The following CTNNA2 variants were observed in gnomAD, a reference collection of about 807,000 sequenced individuals.
CTNNA2 encodes catenin alpha 2, also known as catenin alpha-2.
A neutral mutation model predicts 101.0 loss-of-function variants in CTNNA2; 42 were observed. The observed-to-expected ratio is 0.42, with a 90% CI of 0.32 to 0.54. The LOEUF is 0.54. CTNNA2 is among the 20% of genes least tolerant of loss of function. The pLI is 0.14. For synonymous variants in CTNNA2, 450 were observed against 456.4 expected (o/e 0.99, Z 0.18); for missense variants, 871 against 1,223.1 (o/e 0.71, Z 4.29).
intron 2 of CTNNA2, among the ~76,000 whole-genome samples, chr2:79,685,918 G>A (rs1683900466): frequency 6.6e-6 from 1 of 152,094 alleles, no homozygotes; most frequent in South Asian, 2.1e-4. Context: ...ACAATGAAAA[G>A]GTATGTGCAG....
intron 7 of CTNNA2, among the ~76,000 whole-genome samples, chr2:79,999,931 A>G (rs1692823196): frequency 6.6e-6 from 1 of 152,196 alleles, no homozygotes; most frequent in Non-Finnish European, 1.5e-5. Flanking sequence ...AGCAGAATGT[A>G]TAGACGAGAA....
At chr2:79,951,037 A>T (rs997116379) in intron 7 of CTNNA2, among the ~76,000 whole-genome samples, 3 of 152,206 alleles carry the variant, frequency 2.0e-5, no homozygotes, top group Non-Finnish European at 2.9e-5. Flanking sequence ...CCTTAAAATC[A>T]TTATCCTCTG....
At chr2:79,852,748 C>T (rs1379751229) in intron 3 of CTNNA2, among the ~76,000 whole-genome samples, 3 of 152,166 alleles carry the variant, frequency 2.0e-5, no homozygotes, top group South Asian at 2.1e-4. Context: ...CACACCACCA[C>T]GCCTAGCTAA....
intron 2 of CTNNA2, among the ~76,000 whole-genome samples, chr2:79,260,637 C>A (rs1307997529): frequency 6.6e-6 from 1 of 152,128 alleles, no homozygotes; most frequent in African/African-American, 2.4e-5. Flanking sequence ...AGACACCCAG[C>A]AAGTTTGTCT....
chr2:79,387,040 C>A (rs554539555), intron 4 of CTNNA2, among the ~76,000 whole-genome samples: 1 of 152,178 alleles, frequency 6.6e-6, no homozygotes, highest in Non-Finnish European at 1.5e-5. Flanking sequence ...CACAGCCACC[C>A]TTATAAGTTG....
intron 3 of CTNNA2, among the ~76,000 whole-genome samples, chr2:79,769,566 T>TTAA (rs1416490258): frequency 6.6e-6 from 1 of 152,222 alleles, no homozygotes; most frequent in Non-Finnish European, 1.5e-5. Context: ...TTAGTAAAGA[T>TTAA]TAATCCCTAG....
intron 4 of CTNNA2, among the ~76,000 whole-genome samples, chr2:79,869,103 C>T (rs1007974527): frequency 2.0e-5 from 3 of 152,092 alleles, no homozygotes; most frequent in Non-Finnish European, 4.4e-5. Flanking sequence ...TGATGAAATT[C>T]ACAATTCAGG....
At chr2:80,101,784 G>A (rs550492020) in intron 7 of CTNNA2, among the ~76,000 whole-genome samples, 38 of 152,250 alleles carry the variant, frequency 2.5e-4, no homozygotes, top group African/African-American at 8.7e-4. Flanking sequence ...AGATACACCA[G>A]ACAATGGAAT....
chr2:79,896,623 C>A (rs1684731683), intron 6 of CTNNA2, among the ~76,000 whole-genome samples: 1 of 152,204 alleles, frequency 6.6e-6, no homozygotes, highest in South Asian at 2.1e-4. Flanking sequence ...AGGAAAGCAT[C>A]CTAACTGGTG....
intron 1 of CTNNA2, among the ~76,000 whole-genome samples, chr2:79,647,849 T>C (rs1680932226): frequency 1.3e-5 from 2 of 152,236 alleles, no homozygotes; most frequent in Admixed American, 1.3e-4. Flanking sequence ...TAGCTGTGCT[T>C]GGCTCCAGCT....
intron 4 of CTNNA2, among the ~76,000 whole-genome samples, chr2:79,408,151 T>G (rs1301884146): frequency 6.6e-6 from 1 of 151,960 alleles, no homozygotes; most frequent in Admixed American, 6.6e-5. Flanking sequence ...CCCATCTTCT[T>G]CCATTAAGAT....
intron 7 of CTNNA2, among the ~76,000 whole-genome samples, chr2:80,247,048 T>G (rs1671382007): frequency 6.6e-6 from 1 of 152,198 alleles, no homozygotes; most frequent in African/African-American, 2.4e-5. Flanking sequence ...GTGAGTTTTA[T>G]ACTGTGCCCA....
intron 3 of CTNNA2, among the ~76,000 whole-genome samples, chr2:79,856,796 G>T (rs1312072765): frequency 6.6e-6 from 1 of 152,102 alleles, no homozygotes; most frequent in Non-Finnish European, 1.5e-5. Context: ...TCGGTTGGTT[G>T]TGTCACACAG....
intron 7 of CTNNA2, among the ~76,000 whole-genome samples, chr2:80,315,774 C>T (rs1011948761): frequency 6.6e-6 from 1 of 152,166 alleles, no homozygotes; most frequent in Non-Finnish European, 1.5e-5. Context: ...AGTTTAAGTA[C>T]AGCAGCAGTG....
chr2:80,305,628 G>A (rs774812183), intron 7 of CTNNA2, among the ~76,000 whole-genome samples: 8 of 152,100 alleles, frequency 5.3e-5, no homozygotes, highest in Non-Finnish European at 8.8e-5. Flanking sequence ...TGAGTATGAC[G>A]AGAAGCCTTT....
intron 1 of CTNNA2, among the ~76,000 whole-genome samples, chr2:79,626,946 T>C (rs1040973870): frequency 2.9e-4 from 44 of 152,126 alleles, no homozygotes; most frequent in African/African-American, 9.7e-4. Context: ...TATTTAATAA[T>C]TTTTGCTGAG....
chr2:79,260,275 CCCT>C (rs1674903429), intron 2 of CTNNA2, among the ~76,000 whole-genome samples: 2 of 152,262 alleles, frequency 1.3e-5, no homozygotes, highest in South Asian at 4.1e-4. Flanking sequence ...CTCAATAGCT[CCCT>C]CCTTGCACAG....
chr2:79,461,653 G>A (rs410120), intron 4 of CTNNA2, among the ~76,000 whole-genome samples: 66,837 of 151,832 alleles, frequency 0.44, 15,996 homozygotes, highest in East Asian at 0.64. Flanking sequence ...GGGCCATCAC[G>A]CCTATCTAAG....
intron 3 of CTNNA2, among the ~76,000 whole-genome samples, chr2:79,315,815 C>G (rs1184416863): frequency 6.6e-6 from 1 of 151,940 alleles, no homozygotes; most frequent in Non-Finnish European, 1.5e-5. Context: ...CATGTTTAAC[C>G]TTTTGAGGAA....
Sources: gnomAD v4.1 joint callset for allele counts (sites outside exome capture counted in the v4.1 genomes callset) on GRCh38, gnomAD v4.1.1 for gene constraint, MANE v1.5 for transcripts, NCBI Gene and HGNC (gene_info 2026-07-23, HGNC 2026-07-21) for gene names.